UGGT2: variants seen among roughly 807,000 people sequenced by gnomAD.
The protein encoded by UGGT2 is UDP-glucose:glycoprotein glucosyltransferase 2.
Under a neutral mutation model 192.1 loss-of-function variants are expected in UGGT2, and 180 were observed. That is an observed-to-expected ratio of 0.94 (90% CI 0.83 to 1.06). The LOEUF (loss-of-function observed/expected upper bound fraction) is 1.06. Among genes scored for constraint, UGGT2 ranks in the 50% least tolerant of loss-of-function variants. UGGT2 has a pLI of 0.00. For missense variants in UGGT2, 1,849 were observed against 1,795.7 expected, an observed-to-expected ratio of 1.03 and a Z score of -0.54; for synonymous variants, 580 against 591.0, an observed-to-expected ratio of 0.98 and a Z score of 0.27.
At chr13:95,812,860 G>A (rs376682528) in intron 38 of UGGT2, among the ~76,000 whole-genome samples, 1 of 152,118 alleles carries the variant, frequency 6.6e-6, no homozygotes, top group South Asian at 2.1e-4. Flanking sequence ...CCATTTATGA[G>A]GTAGTGAAAA....
At position 95,916,788 on chromosome 13, in the gene UGGT2, A is replaced by G. The variant is rs2048694370; in HGVS notation, c.2295+8892T>C. 2.0e-5 allele frequency among the ~76,000 whole-genome samples: 3 copies of G among 152,208 alleles called. No homozygotes were observed. The South Asian group carries it at 6.2e-4, about 32-fold the overall frequency. On this transcript the variant is annotated intron_variant, in intron 20 of 38. Coordinates refer to ENST00000376747, the MANE Select transcript of UGGT2 (RefSeq NM_020121.4). ...GTATCAATAACCGAACAGACCAAGC[A>G]GAGGAAAAAATTTCAGAACTTGAAA...
chr13:95,978,454 T>C (rs1186798199), intron 10 of UGGT2, among the ~76,000 whole-genome samples: 4 of 152,192 alleles, frequency 2.6e-5, no homozygotes, highest in African/African-American at 9.6e-5. Context: ...AATCTGAAAA[T>C]ACTCTGTCCC....
intron 4 of UGGT2, among the ~76,000 whole-genome samples, chr13:96,016,964 G>A (rs1247938267): frequency 2.0e-5 from 3 of 152,194 alleles, no homozygotes; most frequent in African/African-American, 7.2e-5. Context: ...TGTACATCAC[G>A]ATGTGGGACA....
chr13:96,020,929 T>C (rs2052495290), intron 4 of UGGT2, among the ~76,000 whole-genome samples: 2 of 152,226 alleles, frequency 1.3e-5, no homozygotes, highest in South Asian at 4.1e-4. Flanking sequence ...GACAAATGAC[T>C]TTACTGCTCA....
At chr13:95,859,281 A>G (rs1401510523) in intron 33 of UGGT2, among the ~76,000 whole-genome samples, 3 of 152,066 alleles carry the variant, frequency 2.0e-5, no homozygotes, top group Admixed American at 6.5e-5. Context: ...AAATGACAGA[A>G]TCCATTTCTT....
intron 36 of UGGT2, among the ~76,000 whole-genome samples, chr13:95,844,888 C>T (rs1298567716): frequency 6.6e-6 from 1 of 152,136 alleles, no homozygotes; most frequent in Non-Finnish European, 1.5e-5. Context: ...AGAAAGCATT[C>T]AGTCTTTGAT....
chr13:95,985,622 TTA>T (rs769946036), intron 9 of UGGT2, among the ~76,000 whole-genome samples: 6 of 152,160 alleles, frequency 3.9e-5, no homozygotes, highest in Non-Finnish European at 7.4e-5. Context: ...GTCACATATT[TTA>T]TCTCTTTAGT....
rs530912228 is a variant in UGGT2, at chr13:95,858,072, G to A, written c.3825+1519C>T. ...GTTGGTGGTGGAGGGCAAATGGGCT[G>A]TTACATAAGGTTAAGCACCTGAGGT... On this transcript the variant is annotated intron_variant, in intron 33 of 38. Coordinates refer to ENST00000376747, the MANE Select transcript of UGGT2 (RefSeq NM_020121.4). Among the ~76,000 whole-genome samples, 16 of 150,256 alleles carry A rather than the reference G, an allele frequency of 1.1e-4. No individual in the cohort carries two copies. In the East Asian group the frequency reaches 3.0e-3, roughly 28 times the overall value.
rs1196695427 is a variant in UGGT2 at position 95,801,738 on chromosome 13, A to AG, written c.*51dup. ...AGCAGGGGCTCCAGACTTCCCCAGCAGGCGGCAGGTTTCCTGTCATGCTTT... is the reference window on the plus strand; with the variant it reads ...AGCAGGGGCTCCAGACTTCCCCAGCAGGGCGGCAGGTTTCCTGTCATGCTTT... On this transcript the variant is annotated 3_prime_UTR_variant, in exon 39 of 39. Coordinates refer to ENST00000376747, the MANE Select transcript of UGGT2 (RefSeq NM_020121.4). 3 of 1,601,550 alleles carry AG rather than the reference A, an allele frequency of 1.9e-6. No individual in the cohort carries two copies. Among genetic ancestry groups the AG allele is most frequent in the Non-Finnish European group, 2.6e-6 (3 of 1,173,912 alleles).
chr13:95,964,239 T>C (rs2050494225), intron 12 of UGGT2, among the ~76,000 whole-genome samples: 3 of 152,164 alleles, frequency 2.0e-5, no homozygotes, highest in South Asian at 2.1e-4. Context: ...CTTGAATACA[T>C]GGTTCTGGGA....
At chr13:95,927,552 C>A (rs929182113) in intron 17 of UGGT2, among the ~76,000 whole-genome samples, 2 of 151,098 alleles carry the variant, frequency 1.3e-5, no homozygotes, top group African/African-American at 4.9e-5. Context: ...CACTTCACAA[C>A]CAGAATCATG....
Position 95,859,598 on chromosome 13 carries a change from G to A in UGGT2, c.3818C>T (p.Thr1273Ile), listed in dbSNP as rs1889961816. ...AAAAAGCTATGTACTTACTTTAAAT[G>A]TCGGTGAGAGATAATTTTTTAGCAA... ...FWLLKNYLSP[T>I]FKEVIPHMAK... The change falls in exon 33 of 39, where the codon ACA becomes ATA. Residue 1273 changes from threonine to isoleucine, a missense_variant. Thr to Ile is a moderately conservative substitution (Grantham distance 89). Coordinates refer to ENST00000376747, the MANE Select transcript of UGGT2 (RefSeq NM_020121.4). The A allele has an allele frequency of 3.1e-6, 5 of 1,608,566 alleles. No individual in the cohort carries two copies. The East Asian group carries it at 1.1e-4, about 36-fold the overall frequency.
At chr13:95,857,915 A>G (rs1337916024) in intron 33 of UGGT2, among the ~76,000 whole-genome samples, 1 of 152,072 alleles carries the variant, frequency 6.6e-6, no homozygotes, top group East Asian at 1.9e-4. Flanking sequence ...TCCCTTATTC[A>G]GTGTCTGACT....
intron 38 of UGGT2, among the ~76,000 whole-genome samples, chr13:95,813,264 C>T (rs1016700845): frequency 6.6e-5 from 10 of 152,098 alleles, no homozygotes; most frequent in East Asian, 3.9e-4. Context: ...GGTTAATGGT[C>T]GTGACCAAAA....
At chr13:95,984,979 G>A (rs1407523021) in intron 9 of UGGT2, 3 of 154,966 alleles carry the variant, frequency 1.9e-5, no homozygotes, top group African/African-American at 7.2e-5. Context: ...CTACCAAGTG[G>A]TTTTAGAGAT....
rs938575427 is a variant in UGGT2 at position 95,801,941 on chromosome 13, A to G, written c.4529-129T>C. ...CTTTATTTGCTAGTTCAGTACCTAT[A>G]TGCTTCATTACGCAACACGAGAATA... On this transcript the variant is annotated intron_variant, in intron 38 of 38. Transcript: ENST00000376747. 1.2e-5 allele frequency: 12 copies of G among 967,216 alleles called. 1 individual carries two copies. The highest frequency in any genetic ancestry group is 9.3e-5 in the South Asian group (6 of 64,462). The allele number at this position is 967,216 out of a possible 1,614,324, so 59.9% of individuals were successfully genotyped here. A position where few individuals can be genotyped will look rare whatever the true frequency, so the allele number is the denominator to read the frequency against.
intron 38 of UGGT2, among the ~76,000 whole-genome samples, chr13:95,819,210 A>G (rs541903106): frequency 8.0e-4 from 122 of 152,280 alleles, no homozygotes; most frequent in African/African-American, 2.8e-3. Flanking sequence ...ATACTCTTGA[A>G]TATGTTTAAG....
At chr13:95,877,079 T>G in intron 29 of UGGT2, 200 bp downstream of exon 29, 1 of 427,416 alleles carries the variant, frequency 2.3e-6, no homozygotes, top group South Asian at 5.9e-5. Flanking sequence ...AGATGGGGTT[T>G]TGCCATGTTG....
chr13:96,046,057 G>A (rs892643972), intron 1 of UGGT2, among the ~76,000 whole-genome samples: 7 of 152,176 alleles, frequency 4.6e-5, no homozygotes, highest in Non-Finnish European at 8.8e-5. Flanking sequence ...AATAAATCTG[G>A]AGGAATCACA....
Sources: allele counts gnomAD v4.1 joint callset (sites outside exome capture counted in the v4.1 genomes callset), GRCh38; gene constraint gnomAD v4.1.1; transcripts MANE v1.5; gene names NCBI Gene and HGNC (gene_info 2026-07-23, HGNC 2026-07-21).